Variants in PDE5A observed in about 807,000 individuals in gnomAD.
The protein encoded by PDE5A is cGMP-specific 3',5'-cyclic phosphodiesterase.
Under a neutral mutation model 110.2 loss-of-function variants are expected in PDE5A, and 67 were observed. The observed-to-expected ratio is 0.61, with a 90% CI of 0.50 to 0.75. PDE5A has a LOEUF of 0.75. Ranked by LOEUF, PDE5A falls within the 30% of genes least tolerant of loss-of-function variation. PDE5A has a pLI of 0.00. For missense variants in PDE5A, 862 were observed against 1,045.1 expected (o/e 0.82, Z 2.42); for synonymous variants, 328 against 351.2 (o/e 0.93, Z 0.74).
At chr4:119,587,508 C>T (rs950204493) in intron 3 of PDE5A, among the ~76,000 whole-genome samples, 11 of 152,090 alleles carry the variant, frequency 7.2e-5, no homozygotes, top group East Asian at 3.9e-4. Context: ...CTCAGCCTCC[C>T]GAGTAGCTGG....
At chr4:119,582,600 A>G (rs920941062) in intron 3 of PDE5A, among the ~76,000 whole-genome samples, 2 of 152,208 alleles carry the variant, frequency 1.3e-5, no homozygotes, top group Non-Finnish European at 2.9e-5. Context: ...GAGCCACCAG[A>G]GGAATCTCTA....
At chr4:119,538,786 C>T (rs1223816241) in intron 11 of PDE5A, 174 bp downstream of exon 11, 5 of 629,282 alleles carry the variant, frequency 7.9e-6, no homozygotes, top group Non-Finnish European at 1.1e-5. Flanking sequence ...CTATATTACA[C>T]AGTCAGTATA....
rs1730448913 is a variant in PDE5A, at chr4:119,628,605, G to A, written c.67C>T (p.Gln23Ter). ...TCGACCGAGTCCTGATCCCTCTGCT[G>A]CTGCTTCTGCTGCTGGGGCTGCTGC... ...QQQQPQQQKQ[Q>*]QRDQDSVEAW... Residue 23 changes from glutamine to a stop codon, truncating the protein, a stop_gained, in exon 1 of 21, where the codon CAG becomes TAG. Coordinates refer to ENST00000354960, the MANE Select transcript of PDE5A (RefSeq NM_001083.4). LOFTEE classifies it high-confidence loss of function. The A allele has an allele frequency of 6.2e-7, 1 of 1,613,892 alleles. No homozygotes were observed. The highest frequency in any genetic ancestry group is 8.5e-7 in the Non-Finnish European group (1 of 1,179,902).
intron 3 of PDE5A, among the ~76,000 whole-genome samples, chr4:119,578,854 A>C (rs1467251701): frequency 2.0e-5 from 3 of 152,176 alleles, no homozygotes; most frequent in East Asian, 1.9e-4. Flanking sequence ...TAATTAAACT[A>C]AAGAGCTTCT....
At chr4:119,550,139 G>A (rs1347095914) in intron 9 of PDE5A, 4 of 152,128 alleles carry the variant, frequency 2.6e-5, no homozygotes, top group African/African-American at 9.7e-5. Context: ...AAAGCAGCAG[G>A]AACACTGGAA....
intron 16 of PDE5A, 55 bp from the exon 17 acceptor site, chr4:119,505,987 C>A: frequency 3.1e-6 from 3 of 976,570 alleles, no homozygotes; most frequent in South Asian, 3.4e-5. Context: ...GGTCTTATCC[C>A]TTTGGTCCAC....
At chr4:119,515,004 A>G (rs1180963877) in intron 14 of PDE5A, among the ~76,000 whole-genome samples, 2 of 152,198 alleles carry the variant, frequency 1.3e-5, no homozygotes. Context: ...TACCATAACC[A>G]TCACAGCCAC....
rs374019221 is a variant in PDE5A at position 119,599,534 on chromosome 4, T to C, written c.742-2922A>G. On this transcript the variant is annotated intron_variant, in intron 2 of 20. Transcript: ENST00000354960. ...ATGAAAATTCTAGAACTGAAAAGTATAGTGTGTAAAACACCAAGTTCATTA... is the reference window on the plus strand; with the variant it reads ...ATGAAAATTCTAGAACTGAAAAGTACAGTGTGTAAAACACCAAGTTCATTA... Among the ~76,000 whole-genome samples the C allele has an allele frequency of 5.9e-5, 9 of 152,164 alleles. No individual in the cohort carries two copies. In the East Asian group the frequency reaches 1.4e-3, roughly 23 times the overall value.
chr4:119,625,349 G>A (rs1730309969), intron 1 of PDE5A, among the ~76,000 whole-genome samples: 1 of 152,142 alleles, frequency 6.6e-6, no homozygotes, highest in African/African-American at 2.4e-5. Context: ...GACAGTGATA[G>A]TAAACAATGT....
intron 10 of PDE5A, 107 bp from the exon 11 acceptor site, chr4:119,539,126 A>G: frequency 1.2e-6 from 1 of 828,584 alleles, no homozygotes; most frequent in Admixed American, 1.9e-5. Context: ...AGATAATTAG[A>G]CTCCTCAGAA....
At chr4:119,503,433 C>T (rs1725440474) in intron 18 of PDE5A, among the ~76,000 whole-genome samples, 1 of 152,106 alleles carries the variant, frequency 6.6e-6, no homozygotes, top group Non-Finnish European at 1.5e-5. Context: ...ACTTTCTCGA[C>T]ATCTTATATC....
chr4:119,534,514 C>G (rs1231002588), intron 11 of PDE5A, among the ~76,000 whole-genome samples: 1 of 152,136 alleles, frequency 6.6e-6, no homozygotes. Context: ...CGCCCGCCCC[C>G]CAACCCAACC....
chr4:119,586,870 TA>T (rs1199033050), intron 3 of PDE5A, among the ~76,000 whole-genome samples: 2 of 152,208 alleles, frequency 1.3e-5, no homozygotes, highest in Non-Finnish European at 2.9e-5. Flanking sequence ...AAAAATAGGA[TA>T]CCATTTGGGT....
chr4:119,590,518 C>T (rs183164954), intron 3 of PDE5A, among the ~76,000 whole-genome samples: 119 of 152,256 alleles, frequency 7.8e-4, no homozygotes, highest in Non-Finnish European at 1.6e-3. Flanking sequence ...CCCATTAACT[C>T]CATTCTCTAG....
intron 3 of PDE5A, among the ~76,000 whole-genome samples, chr4:119,579,746 T>C (rs1043717449): frequency 7.2e-5 from 11 of 151,790 alleles, no homozygotes; most frequent in Non-Finnish European, 1.3e-4. Flanking sequence ...TGTTAAATGA[T>C]GAGTTACTGG....
At chr4:119,506,578 T>A (rs1326425803) in intron 16 of PDE5A, among the ~76,000 whole-genome samples, 1 of 151,744 alleles carries the variant, frequency 6.6e-6, no homozygotes, top group Non-Finnish European at 1.5e-5. Context: ...TAGTATATGG[T>A]TATAAAAAAT....
chr4:119,544,643 T>C (rs181830410), intron 9 of PDE5A, among the ~76,000 whole-genome samples: 64 of 152,344 alleles, frequency 4.2e-4, no homozygotes, highest in African/African-American at 1.5e-3. Flanking sequence ...TCCTACTTGA[T>C]AGCCTTTTTC....
In PDE5A at chr4:119,607,317, G is replaced by A. The variant is rs1560639555; in HGVS notation, c.153-20C>T. 1.4e-5 allele frequency: 21 copies of A among 1,523,512 alleles called. No individual in the cohort carries two copies. Among genetic ancestry groups the A allele is most frequent in the Non-Finnish European group, 1.8e-5 (20 of 1,110,486 alleles). The allele number at this position is 1,523,512 out of a possible 1,614,324, so 94.4% of individuals were successfully genotyped here. A position where few individuals can be genotyped will look rare whatever the true frequency, so the allele number is the denominator to read the frequency against. ...ATTTCTCTGCAGAACAGAACGTGCA[G>A]ACACATTAGATACTTGAAGAGGAAG... On this transcript the variant is annotated intron_variant, in intron 1 of 20. Coordinates refer to ENST00000354960, the MANE Select transcript of PDE5A (RefSeq NM_001083.4).
intron 1 of PDE5A, among the ~76,000 whole-genome samples, chr4:119,626,950 T>C (rs1222279841): frequency 1.5e-5 from 2 of 135,788 alleles, no homozygotes; most frequent in African/African-American, 5.6e-5. Flanking sequence ...AAAACAAGAT[T>C]AAAAAGGGCC....
Sources: gnomAD v4.1 joint callset for allele counts (sites outside exome capture counted in the v4.1 genomes callset) on GRCh38, gnomAD v4.1.1 for gene constraint, MANE v1.5 for transcripts, NCBI Gene and HGNC (gene_info 2026-07-23, HGNC 2026-07-21) for gene names.